The following EIF4G3 variants were observed in gnomAD, a reference collection of about 807,000 sequenced individuals.
EIF4G3 encodes eukaryotic translation initiation factor 4 gamma 3.
A neutral mutation model predicts 186.4 loss-of-function variants in EIF4G3; 34 were observed. The observed-to-expected ratio is 0.18, with a 90% confidence interval of 0.14 to 0.24. The LOEUF is 0.24. Ranked by LOEUF, EIF4G3 falls within the 10% of genes least tolerant of loss-of-function variation. The pLI, the probability that EIF4G3 is intolerant of heterozygous loss-of-function variation, is 1.00. For missense variants in EIF4G3, 1,536 were observed against 1,948.5 expected (o/e 0.79, Z 3.99); for synonymous variants, 673 against 679.5 (o/e 0.99, Z 0.15).
intron 20 of EIF4G3, among the ~76,000 whole-genome samples, chr1:20,876,596 A>T (rs901849659): frequency 6.6e-6 from 1 of 152,296 alleles, no homozygotes; most frequent in African/African-American, 2.4e-5. Flanking sequence ...CACAGTGACC[A>T]TCTGATAGGG....
At chr1:21,081,365 G>A (rs1178794127) in intron 3 of EIF4G3, among the ~76,000 whole-genome samples, 3 of 152,094 alleles carry the variant, frequency 2.0e-5, no homozygotes, top group African/African-American at 4.8e-5. Context: ...CCTGGGAGGC[G>A]GAGGTTGCAG....
intron 4 of EIF4G3, among the ~76,000 whole-genome samples, chr1:21,023,228 TCCCTCCCCCTCCCCTCCCCCTCCCC>T (rs1407694814): frequency 4.8e-5 from 4 of 82,522 alleles, no homozygotes; most frequent in South Asian, 7.7e-4. Flanking sequence ...GCTCTCCCTC[TCCCTCCCCCTCCCCTCCCCCTCCCC>T]CCCTCCCCCT....
chr1:20,924,932 TTTAA>T (rs2094771046), intron 14 of EIF4G3, among the ~76,000 whole-genome samples: 1 of 152,228 alleles, frequency 6.6e-6, no homozygotes, highest in East Asian at 1.9e-4. Context: ...TGCTTCTGGC[TTTAA>T]TTATGACAAA....
chr1:20,889,681 G>A (rs952021460), intron 18 of EIF4G3, among the ~76,000 whole-genome samples: 7 of 151,812 alleles, frequency 4.6e-5, no homozygotes, highest in African/African-American at 1.2e-4. Context: ...TAGTGGAGAC[G>A]GGGTTTCACC....
intron 2 of EIF4G3, among the ~76,000 whole-genome samples, chr1:21,142,006 A>C (rs1360090053): frequency 2.0e-5 from 3 of 152,158 alleles, no homozygotes; most frequent in Non-Finnish European, 4.4e-5. Context: ...TTTTGTTATA[A>C]AGAGAATTTA....
At chr1:21,140,282 A>C (rs999933266) in intron 2 of EIF4G3, among the ~76,000 whole-genome samples, 1 of 152,202 alleles carries the variant, frequency 6.6e-6, no homozygotes, top group Non-Finnish European at 1.5e-5. Context: ...TCTTCCTTTC[A>C]CTAAAATTGA....
intron 34 of EIF4G3, among the ~76,000 whole-genome samples, 183 bp from the exon 35 acceptor site, chr1:20,813,422 A>C (rs886085464): frequency 1.6e-5 from 2 of 127,172 alleles, no homozygotes; most frequent in Admixed American, 1.6e-4. Context: ...AAAAAAAAAA[A>C]GCTGGGTATG....
intron 34 of EIF4G3, among the ~76,000 whole-genome samples, chr1:20,814,237 A>C (rs923200438): frequency 2.0e-5 from 3 of 152,170 alleles, no homozygotes; most frequent in Non-Finnish European, 4.4e-5. Context: ...AAGTGCTGGG[A>C]TTACAGGCAT....
chr1:20,837,722 T>A (rs181479061), intron 30 of EIF4G3, among the ~76,000 whole-genome samples: 1 of 152,214 alleles, frequency 6.6e-6, no homozygotes, highest in African/African-American at 2.4e-5. Flanking sequence ...TCCAATGAAA[T>A]GGCCTCTCTA....
chr1:20,941,969 G>A lies in EIF4G3; in HGVS notation c.1185C>T (p.Pro395=). Residue 395 remains proline, a synonymous_variant, in exon 14 of 37, where the codon CCC becomes CCT. Coordinates refer to ENST00000602326, the MANE Select transcript of EIF4G3 (RefSeq NM_001391906.1). ...GAATATCATTAGGTGCTACACTACA[G>A]GGTTTCTTGCATATATCATCATCAT... ...NENDDDICKK[P]CSVAPNDIPL... is the part of the protein sequence containing the mutation. The A allele has an allele frequency of 6.2e-7, 1 of 1,614,144 alleles. No individual in the cohort carries two copies. Among genetic ancestry groups the A allele is most frequent in the Non-Finnish European group, 8.5e-7 (1 of 1,180,020 alleles).
chr1:20,978,139 A>C (rs573426203), intron 10 of EIF4G3, among the ~76,000 whole-genome samples: 21 of 152,166 alleles, frequency 1.4e-4, no homozygotes, highest in Non-Finnish European at 1.2e-4. Flanking sequence ...TGTTACTCTC[A>C]AAAATAATTA....
intron 17 of EIF4G3, among the ~76,000 whole-genome samples, chr1:20,893,858 C>T (rs2086961053): frequency 6.7e-6 from 1 of 149,376 alleles, no homozygotes; most frequent in Non-Finnish European, 1.5e-5. Context: ...ATGATTTAGG[C>T]CTTAAATTTC....
intron 35 of EIF4G3, among the ~76,000 whole-genome samples, chr1:20,812,355 T>A (rs1477852873): frequency 1.3e-5 from 2 of 152,202 alleles, no homozygotes; most frequent in African/African-American, 4.8e-5. Context: ...AAATGATTTT[T>A]AAAAATTTCA....
intron 35 of EIF4G3, among the ~76,000 whole-genome samples, chr1:20,812,071 C>G (rs1357032152): frequency 6.6e-6 from 1 of 152,096 alleles, no homozygotes; most frequent in Non-Finnish European, 1.5e-5. Flanking sequence ...AAGACACATA[C>G]GGGTTTATAT....
chr1:21,073,702 A>G, intron 3 of EIF4G3: 1 of 505,918 alleles, frequency 2.0e-6, no homozygotes, highest in South Asian at 1.4e-5. Context: ...CCAAGGGCTC[A>G]TGACAGCCTA....
chr1:20,829,334 A>G, intron 30 of EIF4G3, 62 bp from the exon 31 acceptor site: 1 of 1,576,492 alleles, frequency 6.3e-7, no homozygotes, highest in South Asian at 1.1e-5. Context: ...AAATTAAATA[A>G]AGAGATAAAA....
At position 20,886,279 on chromosome 1, in the gene EIF4G3, C is replaced by T. The variant is rs1399421984; in HGVS notation, c.2346G>A (p.Leu782=). The change falls in exon 19 of 37, where the codon CTG becomes CTA. Residue 782 remains leucine, a synonymous_variant. Coordinates refer to ENST00000602326, the MANE Select transcript of EIF4G3 (RefSeq NM_001391906.1). ...ITVSVKEDVH[L]KKAENAWKPS... Reference sequence around the variant, plus strand: ...GCTTCCAGGCATTTTCTGCCTTTTTCAGGTGTACATCTTCTTTTACAGAAA... The same window carrying T: ...GCTTCCAGGCATTTTCTGCCTTTTTTAGGTGTACATCTTCTTTTACAGAAA... 2.3e-5 allele frequency: 37 copies of T among 1,613,828 alleles called. No individual in the cohort carries two copies. Among genetic ancestry groups the T allele is most frequent in the Non-Finnish European group, 3.1e-5 (37 of 1,179,948 alleles).
intron 12 of EIF4G3, among the ~76,000 whole-genome samples, chr1:20,953,432 A>AC (rs1384593723): frequency 3.3e-5 from 5 of 152,208 alleles, no homozygotes; most frequent in African/African-American, 1.2e-4. Flanking sequence ...CTCCTTTAGA[A>AC]CCTACTCAAA....
At position 20,849,418 on chromosome 1, in the gene EIF4G3, A is replaced by G. The variant is rs1240390659; in HGVS notation, c.3885T>C (p.Phe1295=). The change falls in exon 29 of 37, where the codon TTT becomes TTC. Residue 1295 remains phenylalanine, a synonymous_variant. Transcript: ENST00000602326. ...TTTTTTTTTTAATCTCATTTACCTT[A>G]AAATCATTAATGTGTAGAAATTCAT... The part of the protein sequence containing the change: ...IIDEFLHIND[F]KEAMQCVEEL... 3 of 1,501,826 alleles carry G rather than the reference A, an allele frequency of 2.0e-6. No homozygotes were observed. The highest frequency in any genetic ancestry group is 2.9e-5 in the African/African-American group (2 of 70,010). 93.0% of individuals were successfully genotyped at this position (1,501,826 alleles called of 1,614,324 possible).
Sources: allele counts gnomAD v4.1 joint callset (sites outside exome capture counted in the v4.1 genomes callset), GRCh38; gene constraint gnomAD v4.1.1; transcripts MANE v1.5; gene names NCBI Gene and HGNC (gene_info 2026-07-23, HGNC 2026-07-21).